KIF26B: variants seen among roughly 807,000 people sequenced by gnomAD.
The protein encoded by KIF26B is kinesin family member 26B, also known as kinesin-like protein KIF26B.
A neutral mutation model predicts 151.2 loss-of-function variants in KIF26B; 63 were observed. That is an observed-to-expected ratio of 0.42 (90% CI 0.34 to 0.51). The LOEUF (loss-of-function observed/expected upper bound fraction) is 0.51, where lower values mean the gene tolerates loss of function less well. Ranked by LOEUF, KIF26B falls within the 20% of genes least tolerant of loss-of-function variation. The probability of loss-of-function intolerance (pLI) is 0.07; values close to 1 mark genes in which losing one functional copy is unlikely to be tolerated. For missense variants in KIF26B, 2,813 were observed against 2,913.6 expected (o/e 0.97, Z 0.79); for synonymous variants, 1,357 against 1,262.1 (o/e 1.08, Z -1.59).
intron 5 of KIF26B, among the ~76,000 whole-genome samples, chr1:245,575,675 T>G (rs1450881491): frequency 6.6e-6 from 1 of 152,062 alleles, no homozygotes; most frequent in Non-Finnish European, 1.5e-5. Flanking sequence ...TCACCCAAAT[T>G]ACCATGTGGG....
In KIF26B at chr1:245,546,988, T is replaced by C. The variant is rs865854845; in HGVS notation, c.1350+6038T>C. Among the ~76,000 whole-genome samples, 4 of 152,274 alleles carry C rather than the reference T, an allele frequency of 2.6e-5. No individual in the cohort carries two copies. The South Asian group carries it at 8.3e-4, about 31-fold the overall frequency. Reference sequence around the variant, plus strand: ...GGCGACTTGGGGAAAATGTTCTGACTCTTAATCTTCGCGGTTTCTTTTTTC... The same window carrying C: ...GGCGACTTGGGGAAAATGTTCTGACCCTTAATCTTCGCGGTTTCTTTTTTC... On this transcript the variant is annotated intron_variant, in intron 5 of 14. Transcript: ENST00000407071.
chr1:245,325,710 TA>T (rs1246732828), intron 2 of KIF26B, among the ~76,000 whole-genome samples: 17 of 147,636 alleles, frequency 1.2e-4, no homozygotes, highest in South Asian at 2.2e-4. Flanking sequence ...AGACTCCATT[TA>T]AAAAAAAAAG....
At chr1:245,415,376 G>A (rs573733374) in intron 3 of KIF26B, among the ~76,000 whole-genome samples, 2 of 152,194 alleles carry the variant, frequency 1.3e-5, no homozygotes, top group East Asian at 3.9e-4. Context: ...CGAAGGTACT[G>A]TAACCCTGCA....
intron 1 of KIF26B, among the ~76,000 whole-genome samples, chr1:245,155,937 G>A (rs1158509656): frequency 6.6e-6 from 1 of 151,870 alleles, no homozygotes; most frequent in African/African-American, 2.4e-5. Context: ...TTTTGTTCCC[G>A]GGATCTTGCT....
intron 2 of KIF26B, among the ~76,000 whole-genome samples, chr1:245,289,147 A>G (rs1417425757): frequency 6.6e-6 from 1 of 152,160 alleles, no homozygotes; most frequent in Non-Finnish European, 1.5e-5. Context: ...ATCACCATTA[A>G]TTTTGGAATC....
At chr1:245,620,701 C>T (rs1006962159) in intron 9 of KIF26B, among the ~76,000 whole-genome samples, 1 of 152,132 alleles carries the variant, frequency 6.6e-6, no homozygotes, top group Non-Finnish European at 1.5e-5. Flanking sequence ...GGTACCCGTC[C>T]AAAAAATCCT....
chr1:245,222,126 C>T (rs566418775), intron 2 of KIF26B, among the ~76,000 whole-genome samples: 58 of 152,252 alleles, frequency 3.8e-4, no homozygotes, highest in South Asian at 1.0e-3. Flanking sequence ...AACTTAGTGA[C>T]GGGGGAAAGA....
At chr1:245,325,094 C>CAAAAAAAAAAAAA in intron 2 of KIF26B, among the ~76,000 whole-genome samples, 1 of 96,576 alleles carries the variant, frequency 1.0e-5, no homozygotes, top group African/African-American at 3.4e-5. Context: ...GACCTTGTCT[C>CAAAAAAAAAAAAA]AAAAAAAAAA....
intron 4 of KIF26B, among the ~76,000 whole-genome samples, chr1:245,529,249 C>T (rs1661308834): frequency 1.3e-5 from 2 of 152,088 alleles, no homozygotes; most frequent in Non-Finnish European, 2.9e-5. Flanking sequence ...TATAATGAGC[C>T]GAGAGGGGTT....
chr1:245,674,286 A>G (rs1353742001), intron 10 of KIF26B, among the ~76,000 whole-genome samples: 1 of 152,204 alleles, frequency 6.6e-6, no homozygotes, highest in Non-Finnish European at 1.5e-5. Context: ...ATAATGATTC[A>G]GGCCAAAAAA....
At chr1:245,328,299 G>A (rs1395109869) in intron 2 of KIF26B, among the ~76,000 whole-genome samples, 1 of 151,934 alleles carries the variant, frequency 6.6e-6, no homozygotes, top group Admixed American at 6.6e-5. Context: ...GAATATGCTG[G>A]GACTAAGGGT....
At chr1:245,548,866 C>T (rs555363881) in intron 5 of KIF26B, among the ~76,000 whole-genome samples, 1 of 152,188 alleles carries the variant, frequency 6.6e-6, no homozygotes, top group African/African-American at 2.4e-5. Flanking sequence ...GCCTCAGCCT[C>T]CCGAGTAGCT....
intron 9 of KIF26B, among the ~76,000 whole-genome samples, chr1:245,615,555 C>A (rs1039630917): frequency 6.6e-5 from 10 of 152,180 alleles, no homozygotes; most frequent in Non-Finnish European, 4.4e-5. Context: ...GAATCCTGCA[C>A]CCTTATTAAA....
chr1:245,685,328 C>T (rs933443005), intron 11 of KIF26B, 77 bp from the exon 12 acceptor site: 1 of 1,249,272 alleles, frequency 8.0e-7, no homozygotes, highest in South Asian at 1.5e-5. Flanking sequence ...GGGCCTTCAC[C>T]ACTTGCCGCG....
chr1:245,612,778 T>C (rs2043542253), intron 9 of KIF26B, among the ~76,000 whole-genome samples: 1 of 152,106 alleles, frequency 6.6e-6, no homozygotes, highest in African/African-American at 2.4e-5. Context: ...GCTGCCTCCC[T>C]CAAATCGTCA....
At chr1:245,222,796 T>C (rs148591590) in intron 2 of KIF26B, among the ~76,000 whole-genome samples, 97 of 152,346 alleles carry the variant, frequency 6.4e-4, no homozygotes, top group African/African-American at 2.3e-3. Flanking sequence ...TATAATCCTA[T>C]GGCTAAACTT....
At chr1:245,169,336 T>G (rs6686698) in intron 2 of KIF26B, among the ~76,000 whole-genome samples, 840 of 13,806 alleles carry the variant, frequency 0.061, 20 homozygotes, top group Non-Finnish European at 0.2. Flanking sequence ...ATGGTGTGTG[T>G]GTGTGTGTGT....
intron 10 of KIF26B, among the ~76,000 whole-genome samples, chr1:245,679,616 G>C (rs554964446): frequency 1.3e-5 from 2 of 151,700 alleles, no homozygotes; most frequent in Middle Eastern, 6.8e-3. Context: ...TTATAGGCGC[G>C]CGCCACCATG....
Position 245,156,373 on chromosome 1 carries a change from G to T in KIF26B, c.155G>T (p.Ser52Ile), listed in dbSNP as rs1668432563. The stretch of plus-strand genomic sequence containing the variant: ...GCATACGAGGAGTCGCGCGCCGGCA[G>T]CCGGCCCACTCCTGAGGGCGCGGGC... ...RKAYEESRAG[S>I]RPTPEGAGSA... The change falls in exon 2 of 15, where the codon AGC becomes ATC. Residue 52 changes from serine (S) to isoleucine (I), a missense_variant. Transcript: ENST00000407071. 6.5e-7 allele frequency: 1 copy of T among 1,543,964 alleles called. No individual in the cohort carries two copies. The highest frequency in any genetic ancestry group is 8.7e-7 in the Non-Finnish European group (1 of 1,144,746).
Sources: gnomAD v4.1 joint callset for allele counts (sites outside exome capture counted in the v4.1 genomes callset) on GRCh38, gnomAD v4.1.1 for gene constraint, MANE v1.5 for transcripts, NCBI Gene and HGNC (gene_info 2026-07-23, HGNC 2026-07-21) for gene names.